The following ZNF706 variants were observed in gnomAD, a reference collection of about 807,000 sequenced individuals.
The protein encoded by ZNF706 is zinc finger protein 706.
ZNF706 carries 4 observed loss-of-function variants against 9.2 expected under a neutral mutation model. That is an observed-to-expected ratio of 0.43 (90% confidence interval 0.21 to 0.99). The LOEUF is 0.99. Among genes scored for constraint, ZNF706 ranks in the 50% least tolerant of loss-of-function variants. ZNF706 has a pLI of 0.26. For missense variants in ZNF706, 27 were observed against 87.8 expected (o/e 0.31, Z 2.77); for synonymous variants, 28 against 27.3 (o/e 1.03, Z -0.08).
rs1810440189 is a variant in ZNF706 at position 101,198,447 on chromosome 8, A to G, written c.*805T>C. The G allele has an allele frequency of 6.6e-6, 1 of 152,216 alleles. No homozygotes were observed. Among genetic ancestry groups the G allele is most frequent in the African/African-American group, 2.4e-5 (1 of 41,476 alleles). 9.4% of individuals were successfully genotyped at this position (152,216 alleles called of 1,614,324 possible). A position where few individuals can be genotyped will look rare whatever the true frequency, so the allele number is the denominator to read the frequency against. On this transcript the variant is annotated 3_prime_UTR_variant, in exon 4 of 4. Transcript: ENST00000311212. The stretch of plus-strand genomic sequence containing the variant: ...AATTTTCAAAGAATATAGTATCAAG[A>G]TCGACCTTTACCAGTTCACATTTGT...
chr8:101,197,843 C>T lies in ZNF706; in HGVS notation c.*1409G>A, dbSNP rs1810419010. On this transcript the variant is annotated 3_prime_UTR_variant, in exon 4 of 4. Transcript: ENST00000311212. Reference sequence around the variant, plus strand: ...TTTCCTTGGAAACGTCTTAAACTTACAGGGAAGACAAGGTGGGCAAAATAT... The same window carrying T: ...TTTCCTTGGAAACGTCTTAAACTTATAGGGAAGACAAGGTGGGCAAAATAT... The T allele has an allele frequency of 6.6e-6, 1 of 152,120 alleles. No homozygotes were observed. The highest frequency in any genetic ancestry group is 1.5e-5 in the Non-Finnish European group (1 of 68,000). The allele number at this position is 152,120 out of a possible 1,614,324, so 9.4% of individuals were successfully genotyped here.
At chr8:101,204,734 G>C in intron 1 of ZNF706, 1 of 985,450 alleles carries the variant, frequency 1.0e-6, no homozygotes, top group Non-Finnish European at 1.2e-6. Flanking sequence ...GTTCTAAAAT[G>C]AGGCGCTCTC....
rs1371667150 is a variant in ZNF706, at chr8:101,201,829, C to A, written c.-2-86G>T. ...CATAAGAACGTTCTTAGAATTGAAG[C>A]CTTAAGTTTTATAGAAATATCTGGC... On this transcript the variant is annotated intron_variant, in intron 1 of 3. Transcript: ENST00000311212. The surrounding 1 kb of genome is among the most constrained non-coding windows in gnomAD (Gnocchi z 4.5). 4 of 1,372,828 alleles carry A rather than the reference C, an allele frequency of 2.9e-6. No homozygotes were observed. The highest frequency in any genetic ancestry group is 4.0e-6 in the Non-Finnish European group (4 of 1,010,666). 85.0% of individuals were successfully genotyped at this position (1,372,828 alleles called of 1,614,324 possible).
At chr8:101,199,368 T>C in intron 3 of ZNF706, 129 bp from the exon 4 acceptor site, 2 of 593,444 alleles carry the variant, frequency 3.4e-6, no homozygotes, top group South Asian at 2.1e-5. Flanking sequence ...CGACTTTATA[T>C]ACAGAACTCT....
chr8:101,204,994 C>T (rs117939270), intron 1 of ZNF706: 3 of 974,062 alleles, frequency 3.1e-6, no homozygotes, highest in Non-Finnish European at 3.7e-6. Context: ...TTCAGCCTGG[C>T]GCACCTTCCT....
rs902421395 is a variant in ZNF706 at position 101,198,632 on chromosome 8, A to G, written c.*620T>C. ...TGACTGGCAGTTAGAGCCAGGTCAT[A>G]CTGCAATTTTAAATATTCCAACTCA... is the stretch of plus-strand genomic sequence containing the variant. On this transcript the variant is annotated 3_prime_UTR_variant, in exon 4 of 4. Transcript: ENST00000311212. 1.3e-5 allele frequency: 2 copies of G among 152,190 alleles called. No individual in the cohort carries two copies. The highest frequency in any genetic ancestry group is 4.8e-5 in the African/African-American group (2 of 41,430). 9.4% of individuals were successfully genotyped at this position (152,190 alleles called of 1,614,324 possible).
intron 3 of ZNF706, among the ~76,000 whole-genome samples, chr8:101,199,451 G>GA (rs11439636): frequency 0.014 from 2,142 of 152,220 alleles, 42 homozygotes; most frequent in African/African-American, 0.047. Context: ...TATTTAGGGG[G>GA]AAAAAATCCA....
intron 2 of ZNF706, chr8:101,200,319 T>C (rs532501083): frequency 5.0e-6 from 2 of 403,872 alleles, no homozygotes; most frequent in South Asian, 2.7e-5. Flanking sequence ...TAGAATGTAT[T>C]CTGCTTATCT....
rs919683454 is a variant in ZNF706 at position 101,201,548 on chromosome 8, T to C, written c.135+59A>G. On this transcript the variant is annotated intron_variant, in intron 2 of 3. Coordinates refer to ENST00000311212, the MANE Select transcript of ZNF706 (RefSeq NM_016096.5). The surrounding 1 kb of genome is among the most constrained non-coding windows in gnomAD (Gnocchi z 4.5). The stretch of plus-strand genomic sequence containing the variant: ...TTTTGCCATGGTTTCAAAATTTTAA[T>C]CTATTCAAGCCAAAACTGCCCACGG... The C allele has an allele frequency of 1.0e-5, 15 of 1,506,856 alleles. No homozygotes were observed. In the African/African-American group the frequency reaches 2.1e-4, roughly 21 times the overall value. 93.3% of individuals were successfully genotyped at this position (1,506,856 alleles called of 1,614,324 possible).
chr8:101,204,867 GAGGCCC>G lies in ZNF706; in HGVS notation c.-3+562_-3+567del, dbSNP rs1186795182. 5.1e-6 allele frequency: 5 copies of G among 985,620 alleles called. No individual in the cohort carries two copies. In the African/African-American group the frequency reaches 8.7e-5, roughly 17 times the overall value. 61.1% of individuals were successfully genotyped at this position (985,620 alleles called of 1,614,324 possible). On this transcript the variant is annotated intron_variant, in intron 1 of 3. Transcript: ENST00000311212. The stretch of plus-strand genomic sequence containing the variant: ...ATTCTCCATAACCATCGGAAAGGAA[GAGGCCC>G]AGGCAGCGCTCCACATCCTGACCCT...
chr8:101,201,505 T>C lies in ZNF706; in HGVS notation c.135+102A>G. 9.5e-7 allele frequency: 1 copy of C among 1,053,936 alleles called. No individual in the cohort carries two copies. The highest frequency in any genetic ancestry group is 1.4e-6 in the Non-Finnish European group (1 of 729,992). 65.3% of individuals were successfully genotyped at this position (1,053,936 alleles called of 1,614,324 possible). On this transcript the variant is annotated intron_variant, in intron 2 of 3. Transcript: ENST00000311212. This position sits in a 1 kb window ranked among gnomAD's most constrained non-coding sequence, Gnocchi z 4.5. ...AAATAATCAGCTCTCAAACCTACTA[T>C]TTCATGTAAAGCATCTATTTTGCCA...
chr8:101,204,047 C>G (rs1227035924), intron 1 of ZNF706: 1 of 152,216 alleles, frequency 6.6e-6, no homozygotes, highest in Non-Finnish European at 1.5e-5. Flanking sequence ...TCTCACACAT[C>G]TTAACTCTTC....
chr8:101,205,043 C>T lies in ZNF706; in HGVS notation c.-3+392G>A. 1.0e-5 allele frequency: 7 copies of T among 689,276 alleles called. No homozygotes were observed. The highest frequency in any genetic ancestry group is 1.1e-5 in the Non-Finnish European group (6 of 559,600). The allele number at this position is 689,276 out of a possible 1,614,324, so 42.7% of individuals were successfully genotyped here. A position where few individuals can be genotyped will look rare whatever the true frequency, so the allele number is the denominator to read the frequency against. On this transcript the variant is annotated intron_variant, in intron 1 of 3. Coordinates refer to ENST00000311212, the MANE Select transcript of ZNF706 (RefSeq NM_016096.5). The surrounding 1 kb of genome is among the most constrained non-coding windows in gnomAD (Gnocchi z 6.6). ...TCTCCCGCCTCGGAGACCCCCTCCT[C>T]CTCCCTGCCACCAAAGGCCACGCAG...
At chr8:101,200,965 C>T in intron 2 of ZNF706, 1 of 257,008 alleles carries the variant, frequency 3.9e-6, no homozygotes, top group Non-Finnish European at 8.1e-6. Context: ...CTGGGAGACC[C>T]CACACAAATT....
In ZNF706 at chr8:101,200,102, C is replaced by A. The variant is rs370970726; in HGVS notation, c.136-5G>T. ...CTTAGGGTCTGGCATTTGTGTCTAA[C>A]AAAAAATTGTGCAAAAGAGAGCTAG... On this transcript the variant is annotated splice_polypyrimidine_tract_variant and splice_region_variant and intron_variant, in intron 2 of 3. Transcript: ENST00000311212. The A allele has an allele frequency of 6.2e-7, 1 of 1,611,178 alleles. No homozygotes were observed.
In ZNF706 at chr8:101,200,112, T is replaced by C. The variant is rs1315491794; in HGVS notation, c.136-15A>G. The C allele has an allele frequency of 6.2e-7, 1 of 1,601,506 alleles. No homozygotes were observed. Among genetic ancestry groups the C allele is most frequent in the African/African-American group, 1.3e-5 (1 of 74,770 alleles). On this transcript the variant is annotated splice_polypyrimidine_tract_variant and intron_variant, in intron 2 of 3. Transcript: ENST00000311212. ...GGCATTTGTGTCTAACAAAAAATTG[T>C]GCAAAAGAGAGCTAGACTTTATTTA...
intron 2 of ZNF706, among the ~76,000 whole-genome samples, chr8:101,200,447 A>AT (rs1810517570): frequency 1.3e-5 from 2 of 152,190 alleles, no homozygotes; most frequent in Admixed American, 6.5e-5. Flanking sequence ...ATTTTACCTG[A>AT]TAAGGAAACT....
Position 101,197,862 on chromosome 8 carries a change from A to C in ZNF706, c.*1390T>G, listed in dbSNP as rs939747409. ...AACTTACAGGGAAGACAAGGTGGGCAAAATATGCAGAGCTACAAAACAAAG... is the reference window on the plus strand; with the variant it reads ...AACTTACAGGGAAGACAAGGTGGGCCAAATATGCAGAGCTACAAAACAAAG... On this transcript the variant is annotated 3_prime_UTR_variant, in exon 4 of 4. Transcript: ENST00000311212. The C allele has an allele frequency of 2.0e-5, 3 of 152,244 alleles. No homozygotes were observed. Among genetic ancestry groups the C allele is most frequent in the African/African-American group, 7.2e-5 (3 of 41,466 alleles). 9.4% of individuals were successfully genotyped at this position (152,244 alleles called of 1,614,324 possible). A position where few individuals can be genotyped will look rare whatever the true frequency, so the allele number is the denominator to read the frequency against.
upstream of ZNF706, chr8:101,205,780 G>C (rs1810749371): frequency 6.5e-6 from 1 of 152,788 alleles, no homozygotes; most frequent in African/African-American, 2.4e-5. The surrounding 1 kb of genome is among the most constrained non-coding windows in gnomAD (Gnocchi z 6.6). Flanking sequence ...CTGCGCCCTG[G>C]CTGGTCGCGC....
Sources: gnomAD v4.1 joint callset for allele counts (sites outside exome capture counted in the v4.1 genomes callset) on GRCh38, gnomAD v4.1.1 for gene constraint, Gnocchi (gnomAD v3.1) non-coding constraint, MANE v1.5 for transcripts, NCBI Gene and HGNC (gene_info 2026-07-23, HGNC 2026-07-21) for gene names.